The following SNX14 variants were observed in gnomAD, a reference collection of about 807,000 sequenced individuals.
The protein encoded by SNX14 is sorting nexin-14.
In SNX14, 93 loss-of-function variants were observed where a neutral mutation model predicts 133.8. That is an observed-to-expected ratio of 0.70 (90% CI 0.59 to 0.83). The LOEUF is 0.83. SNX14 is among the 40% of genes least tolerant of loss of function. The pLI is 0.00. For missense variants in SNX14, 945 were observed against 1,094.9 expected (o/e 0.86, Z 1.93); for synonymous variants, 368 against 365.6 (o/e 1.01, Z -0.07).
At chr6:85,524,089 G>A (rs1777784594) in intron 21 of SNX14, among the ~76,000 whole-genome samples, 1 of 152,046 alleles carries the variant, frequency 6.6e-6, no homozygotes, top group African/African-American at 2.4e-5. Context: ...GGCTGAGGCA[G>A]GAGAACTGCT....
chr6:85,535,264 C>A (rs1042397794), intron 17 of SNX14, among the ~76,000 whole-genome samples: 1 of 151,868 alleles, frequency 6.6e-6, no homozygotes, highest in Non-Finnish European at 1.5e-5. Context: ...ATCCTCCTGC[C>A]TCAGTTTCCC....
intron 9 of SNX14, among the ~76,000 whole-genome samples, chr6:85,548,082 AG>A (rs1303275494): frequency 1.3e-5 from 2 of 152,042 alleles, no homozygotes; most frequent in East Asian, 1.9e-4. Context: ...GGTGGTTGCC[AG>A]GGGGGGCTGG....
At chr6:85,516,479 G>C (rs1775031835) in intron 23 of SNX14, among the ~76,000 whole-genome samples, 1 of 151,996 alleles carries the variant, frequency 6.6e-6, no homozygotes, top group East Asian at 1.9e-4. Flanking sequence ...AGGCCTAGAT[G>C]ACTTTACCAA....
intron 12 of SNX14, 80 bp downstream of exon 12, chr6:85,547,032 A>G: frequency 1.0e-6 from 1 of 983,014 alleles, no homozygotes. Flanking sequence ...GGGTACCACA[A>G]CATCAGATCT....
rs745376647 is a variant in SNX14, at chr6:85,547,182, A to T, written c.1038T>A (p.Leu346=). 7 of 1,613,964 alleles carry T rather than the reference A, an allele frequency of 4.3e-6. No individual in the cohort carries two copies. The Admixed American group carries it at 1.0e-4, about 23-fold the overall frequency. ...ELKQIREQQD[L]LFRFMNFLKQ... is the part of the protein sequence containing the mutation. ...TCAGAAAGTTCATAAAACGAAATAAAAGATCTTGTTGCTCTCTGATTTGCT... is the reference window on the plus strand; with the variant it reads ...TCAGAAAGTTCATAAAACGAAATAATAGATCTTGTTGCTCTCTGATTTGCT... Residue 346 remains leucine (L), a synonymous_variant, in exon 12 of 29, where the codon CTT becomes CTA. Transcript: ENST00000314673.
At chr6:85,516,196 T>C (rs907512378) in intron 23 of SNX14, among the ~76,000 whole-genome samples, 1 of 152,216 alleles carries the variant, frequency 6.6e-6, no homozygotes, top group Non-Finnish European at 1.5e-5. Flanking sequence ...ACTCCTTGAA[T>C]AGATGTTCCT....
chr6:85,507,164 T>C (rs1770993557), intron 28 of SNX14, 69 bp downstream of exon 28: 1 of 1,326,116 alleles, frequency 7.5e-7, no homozygotes, highest in African/African-American at 1.5e-5. Context: ...TACATTTATG[T>C]CCCTAATTAA....
chr6:85,536,666 ATAAAGG>A (rs941207311), intron 17 of SNX14, 120 bp downstream of exon 17: 45 of 806,876 alleles, frequency 5.6e-5, no homozygotes, highest in South Asian at 1.3e-4. Flanking sequence ...AAGTAAGAAG[ATAAAGG>A]TAAAGTATTA....
intron 2 of SNX14, among the ~76,000 whole-genome samples, chr6:85,573,459 G>A (rs1796321041): frequency 6.6e-6 from 1 of 152,112 alleles, no homozygotes; most frequent in Admixed American, 6.5e-5. Flanking sequence ...CAACCTGGGT[G>A]ACAGAGCAAG....
intron 18 of SNX14, among the ~76,000 whole-genome samples, chr6:85,531,178 T>C (rs1467141025): frequency 1.3e-5 from 2 of 152,200 alleles, no homozygotes; most frequent in Non-Finnish European, 2.9e-5. Flanking sequence ...CACATAGTAA[T>C]GGTTTAAAGA....
At chr6:85,580,637 C>G (rs1239052652) in intron 1 of SNX14, among the ~76,000 whole-genome samples, 4 of 152,066 alleles carry the variant, frequency 2.6e-5, no homozygotes, top group Non-Finnish European at 4.4e-5. Context: ...GCAGGCCTGG[C>G]ACCATTCACC....
intron 7 of SNX14, among the ~76,000 whole-genome samples, chr6:85,552,521 A>C (rs1788187825): frequency 6.6e-6 from 1 of 152,176 alleles, no homozygotes. Flanking sequence ...GGGAAATTGC[A>C]GGCACCTAAG....
At chr6:85,544,935 T>C (rs1784994222) in intron 12 of SNX14, among the ~76,000 whole-genome samples, 2 of 152,186 alleles carry the variant, frequency 1.3e-5, no homozygotes, top group Admixed American at 6.5e-5. Context: ...TAAAAATGAA[T>C]GTGTGTGTGC....
At chr6:85,587,024 T>C (rs1801103557) in intron 1 of SNX14, among the ~76,000 whole-genome samples, 1 of 151,850 alleles carries the variant, frequency 6.6e-6, no homozygotes, top group South Asian at 2.1e-4. Flanking sequence ...CCAGCCTAGG[T>C]GACAAAGTGA....
chr6:85,521,646 A>G (rs543419746), intron 21 of SNX14, among the ~76,000 whole-genome samples: 1 of 152,150 alleles, frequency 6.6e-6, no homozygotes. Flanking sequence ...TTTGCTGTGT[A>G]GAAGCCTTTT....
At chr6:85,532,649 C>T (rs570797913) in intron 18 of SNX14, among the ~76,000 whole-genome samples, 144 of 152,198 alleles carry the variant, frequency 9.5e-4, no homozygotes, top group African/African-American at 3.2e-3. Flanking sequence ...AAATGTGGTG[C>T]TTTTCGTTAC....
chr6:85,565,257 C>CA (rs1216930778), intron 6 of SNX14, 75 bp downstream of exon 6: 43 of 911,568 alleles, frequency 4.7e-5, no homozygotes, highest in Middle Eastern at 3.3e-4. Context: ...CATGTACTCA[C>CA]AAAAAATTGT....
chr6:85,555,215 GCTT>G (rs909056313), intron 7 of SNX14, among the ~76,000 whole-genome samples: 9 of 152,112 alleles, frequency 5.9e-5, no homozygotes, highest in African/African-American at 2.2e-4. Context: ...AGTCTGAGAG[GCTT>G]CTTGTCTTTG....
intron 7 of SNX14, among the ~76,000 whole-genome samples, chr6:85,553,560 G>A (rs773076581): frequency 2.0e-5 from 3 of 152,056 alleles, no homozygotes; most frequent in Non-Finnish European, 2.9e-5. Context: ...CGAGGCGGAC[G>A]GATCATGAGG....
Sources: gnomAD v4.1 joint callset for allele counts (sites outside exome capture counted in the v4.1 genomes callset) on GRCh38, gnomAD v4.1.1 for gene constraint, MANE v1.5 for transcripts, NCBI Gene and HGNC (gene_info 2026-07-23, HGNC 2026-07-21) for gene names.